SPG11: variants seen among roughly 807,000 people sequenced by gnomAD.
The protein encoded by SPG11 is spatacsin.
Under a neutral mutation model 274.0 loss-of-function variants are expected in SPG11, and 222 were observed. The ratio of observed to expected loss-of-function variants is 0.81; its 90% CI spans 0.73 to 0.91. The LOEUF (loss-of-function observed/expected upper bound fraction) is 0.91. SPG11 is among the 40% of genes least tolerant of loss of function. SPG11 has a pLI of 0.00. For missense variants in SPG11, 3,114 were observed against 2,872.7 expected (o/e 1.08, Z -1.92); for synonymous variants, 1,144 against 1,039.7 (o/e 1.10, Z -1.93).
At chr15:44,627,436 T>C (rs2083933715) in intron 10 of SPG11, among the ~76,000 whole-genome samples, 2 of 152,238 alleles carry the variant, frequency 1.3e-5, no homozygotes, top group African/African-American at 4.8e-5. Flanking sequence ...GAGTAAAATA[T>C]AACCCCTTCC....
At chr15:44,653,441 A>G (rs1224093770) in intron 4 of SPG11, among the ~76,000 whole-genome samples, 1 of 152,172 alleles carries the variant, frequency 6.6e-6, no homozygotes, top group Non-Finnish European at 1.5e-5. Flanking sequence ...CATCAACAAA[A>G]TAAAAGGTAG....
At chr15:44,663,203 G>A (rs1595944341) in intron 1 of SPG11, among the ~76,000 whole-genome samples, 188 bp downstream of exon 1, 1 of 152,268 alleles carries the variant, frequency 6.6e-6, no homozygotes, top group African/African-American at 2.4e-5. Flanking sequence ...AACGAGGCGA[G>A]CGTTTCAGGT....
intron 30 of SPG11, among the ~76,000 whole-genome samples, chr15:44,576,518 G>A (rs1288566767): frequency 7.2e-5 from 11 of 151,742 alleles, no homozygotes; most frequent in Non-Finnish European, 1.0e-4. Flanking sequence ...ACGTGGTGGC[G>A]GGTGCCTGTA....
intron 7 of SPG11, among the ~76,000 whole-genome samples, chr15:44,639,252 AACACACACACACACACAAAGAGAT>A (rs1224345589): frequency 2.0e-5 from 3 of 148,718 alleles, no homozygotes; most frequent in Admixed American, 1.4e-4. Flanking sequence ...GGTATCTTAA[AACACACACACACACACAAAGAGAT>A]ACACACACAC....
At position 44,629,349 on chromosome 15, in the gene SPG11, G is replaced by A. The variant is rs373796566; in HGVS notation, c.1775C>T (p.Ser592Leu). Residue 592 changes from serine to leucine, a missense_variant, in exon 9 of 40, where the codon TCG becomes TTG. Physicochemically the swap from Ser to Leu is moderately radical, Grantham distance 145 (BLOSUM62 -2). Transcript: ENST00000261866. The stretch of plus-strand genomic sequence containing the variant: ...TTCAGAATAACTTTCTCTAATTGCC[G>A]AGCAAAGTAAATCCAATGCTGGTAT... ...ELIPALDLLCSAIRESYSEPQ... is the reference protein window; with the variant it reads ...ELIPALDLLCLAIRESYSEPQ... The A allele has an allele frequency of 4.2e-5, 67 of 1,614,062 alleles. No individual in the cohort carries two copies. In the African/African-American group the frequency reaches 7.5e-4, roughly 18 times the overall value.
At chr15:44,602,428 T>TG (rs1295422522) in intron 20 of SPG11, among the ~76,000 whole-genome samples, 2 of 152,142 alleles carry the variant, frequency 1.3e-5, no homozygotes, top group African/African-American at 4.8e-5. Flanking sequence ...GAAAGGATGT[T>TG]GAATTTTCCT....
intron 38 of SPG11, 25 bp from the exon 39 acceptor site, chr15:44,564,723 C>CA: frequency 6.2e-7 from 1 of 1,613,856 alleles, no homozygotes; most frequent in African/African-American, 1.3e-5. Flanking sequence ...TGAAGAAGGA[C>CA]ACCATCAGAG....
Position 44,583,983 on chromosome 15 carries a change from C to A in SPG11, c.5697G>T (p.Arg1899=), listed in dbSNP as rs746668721. The change falls in exon 30 of 40, where the codon CGG becomes CGT. Residue 1899 remains arginine (R), a synonymous_variant. Transcript: ENST00000261866. ...CATCTGGATTATAAAAATGAAAATA[C>A]CGGCATACTCTACTTGCTTCATGCA... ...GCVHEASRVC[R]YFHFYNPDVA... is the part of the protein sequence containing the mutation. 6.2e-7 allele frequency: 1 copy of A among 1,614,218 alleles called. No homozygotes were observed. The highest frequency in any genetic ancestry group is 8.5e-7 in the Non-Finnish European group (1 of 1,180,036).
chr15:44,621,659 AAAGG>A, intron 14 of SPG11, 96 bp downstream of exon 14: 1 of 1,191,216 alleles, frequency 8.4e-7, no homozygotes, highest in South Asian at 1.3e-5. Context: ...TTATTTCCCG[AAAGG>A]AATTCTAAAA....
Position 44,596,129 on chromosome 15 carries a change from A to T in SPG11, c.4388T>A (p.Val1463Glu). ...ACTGAGGATAGGGGCCTGTTGTTTC[A>T]CTGCTTCAACCAGAAGCCAGTGCCA... ...DSWHWLLVEAVKQQAPILSVL... is the reference protein window; with the variant it reads ...DSWHWLLVEAEKQQAPILSVL... Residue 1463 changes from valine (V) to glutamate (E), a missense_variant, in exon 25 of 40, where the codon GTG becomes GAG. Physicochemically the swap from Val to Glu is moderately radical, Grantham distance 121 (BLOSUM62 -2). Transcript: ENST00000261866. The T allele has an allele frequency of 6.2e-7, 1 of 1,613,988 alleles. No individual in the cohort carries two copies. Among genetic ancestry groups the T allele is most frequent in the Admixed American group, 1.7e-5 (1 of 60,000 alleles).
intron 3 of SPG11, among the ~76,000 whole-genome samples, chr15:44,658,819 T>C (rs1051840370): frequency 6.6e-6 from 1 of 152,182 alleles, no homozygotes; most frequent in African/African-American, 2.4e-5. Context: ...ATGCAGAGAA[T>C]ATACAATTTT....
intron 23 of SPG11, 42 bp downstream of exon 23, chr15:44,598,223 A>G: frequency 6.7e-7 from 1 of 1,495,400 alleles, no homozygotes; most frequent in Non-Finnish European, 9.3e-7. Context: ...GGTTGGCACA[A>G]TAAGCTTGTT....
chr15:44,582,626 C>A (rs879327777), intron 30 of SPG11, among the ~76,000 whole-genome samples: 4 of 151,968 alleles, frequency 2.6e-5, no homozygotes, highest in Non-Finnish European at 5.9e-5. Flanking sequence ...TTTAACAAAA[C>A]AGCAAATTGA....
chr15:44,641,314 T>C (rs535764594), intron 7 of SPG11, among the ~76,000 whole-genome samples: 78 of 151,958 alleles, frequency 5.1e-4, no homozygotes, highest in African/African-American at 1.8e-3. Flanking sequence ...AACTATATAA[T>C]TTAAGGATAG....
At chr15:44,588,741 C>T (rs183877888) in intron 28 of SPG11, 58 of 350,658 alleles carry the variant, frequency 1.7e-4, no homozygotes, top group Non-Finnish European at 2.8e-4. Flanking sequence ...TGATCAACCG[C>T]GGGTACATAA....
intron 7 of SPG11, among the ~76,000 whole-genome samples, chr15:44,639,245 A>C (rs1040129882): frequency 2.6e-5 from 4 of 151,272 alleles, no homozygotes; most frequent in African/African-American, 9.8e-5. Context: ...TACAAAGGGT[A>C]TCTTAAAACA....
At chr15:44,649,137 T>G (rs1164228535) in intron 6 of SPG11, 126 bp from the exon 7 acceptor site, 5 of 750,118 alleles carry the variant, frequency 6.7e-6, no homozygotes, top group Non-Finnish European at 1.1e-5. Context: ...ATTTACTGGA[T>G]ATCATGTACT....
Position 44,621,776 on chromosome 15 carries a change from G to A in SPG11, c.2603C>T (p.Pro868Leu). Residue 868 changes from proline to leucine, a missense_variant, in exon 14 of 40, where the codon CCC (proline) becomes CTC (leucine). Coordinates refer to ENST00000261866, the MANE Select transcript of SPG11 (RefSeq NM_025137.4). ...ACACTTGCCTTCTGGACTTATCCTG[G>A]GGAGAAGGATGGATTCTTGTGTTAG... ...DQLTQESILL[P>L]RISPEEYKSY... 2 of 1,613,692 alleles carry A rather than the reference G, an allele frequency of 1.2e-6. No individual in the cohort carries two copies. Among genetic ancestry groups the A allele is most frequent in the Non-Finnish European group, 1.7e-6 (2 of 1,179,854 alleles).
At chr15:44,606,925 A>G (rs1215236170) in intron 19 of SPG11, among the ~76,000 whole-genome samples, 1 of 152,216 alleles carries the variant, frequency 6.6e-6, no homozygotes, top group Non-Finnish European at 1.5e-5. Context: ...TTGCCTGGGA[A>G]AAAACAAGAC....
Sources: allele counts gnomAD v4.1 joint callset (sites outside exome capture counted in the v4.1 genomes callset), GRCh38; gene constraint gnomAD v4.1.1; transcripts MANE v1.5; gene names NCBI Gene and HGNC (gene_info 2026-07-23, HGNC 2026-07-21).